CCDC91: variants seen among roughly 807,000 people sequenced by gnomAD.
CCDC91 encodes the protein coiled-coil domain-containing protein 91.
In CCDC91, 48 loss-of-function variants were observed where a neutral mutation model predicts 63.2. That is an observed-to-expected ratio of 0.76 (90% CI 0.60 to 0.97). The LOEUF is 0.97. Ranked by LOEUF, CCDC91 falls within the 50% of genes least tolerant of loss-of-function variation. CCDC91 has a pLI of 0.00. For synonymous variants in CCDC91, 167 were observed against 165.8 expected (o/e 1.01, Z -0.06); for missense variants, 500 against 494.6 (o/e 1.01, Z -0.10).
chr12:28,297,912 C>G (rs1164487565), intron 3 of CCDC91, among the ~76,000 whole-genome samples: 1 of 151,768 alleles, frequency 6.6e-6, no homozygotes, highest in Non-Finnish European at 1.5e-5. Context: ...ACCATCGTTA[C>G]TATAAAATAA....
At chr12:28,427,479 A>AC (rs983140139) in intron 8 of CCDC91, among the ~76,000 whole-genome samples, 1 of 151,640 alleles carries the variant, frequency 6.6e-6, no homozygotes, top group Non-Finnish European at 1.5e-5. Flanking sequence ...AGAGCAACTA[A>AC]CCCCCCGACC....
chr12:28,374,618 C>G (rs1412579196), intron 7 of CCDC91, among the ~76,000 whole-genome samples: 2 of 152,088 alleles, frequency 1.3e-5, no homozygotes, highest in African/African-American at 2.4e-5. Context: ...TGAACTAGCA[C>G]TTTTTAAAGC....
At chr12:28,477,252 T>C (rs143062843) in intron 11 of CCDC91, among the ~76,000 whole-genome samples, 31,751 of 151,972 alleles carry the variant, frequency 0.21, 4,345 homozygotes, top group Non-Finnish European at 0.31. Context: ...TCCAGCAGCA[T>C]ATCAAAAAGC....
intron 12 of CCDC91, among the ~76,000 whole-genome samples, chr12:28,513,375 C>G (rs574685887): frequency 6.6e-6 from 1 of 151,874 alleles, no homozygotes; most frequent in African/African-American, 2.4e-5. Context: ...GAATTGTATA[C>G]AAGTTGAGAA....
chr12:28,335,552 TG>T (rs1941910867), intron 6 of CCDC91, among the ~76,000 whole-genome samples: 2 of 150,866 alleles, frequency 1.3e-5, no homozygotes, highest in African/African-American at 4.9e-5. Flanking sequence ...GGGCTACAGG[TG>T]CATGCCACCG....
intron 7 of CCDC91, 25 bp from the exon 8 acceptor site, chr12:28,391,279 A>G (rs1284872587): frequency 4.8e-6 from 7 of 1,463,934 alleles, no homozygotes; most frequent in Non-Finnish European, 5.7e-6. Flanking sequence ...TCTGTGATCC[A>G]AATGACTTTT....
chr12:28,295,069 AC>A (rs1360313797), intron 3 of CCDC91, among the ~76,000 whole-genome samples: 2 of 152,158 alleles, frequency 1.3e-5, no homozygotes, highest in African/African-American at 4.8e-5. Flanking sequence ...TTTTATATTT[AC>A]AGCTCTTCAT....
At chr12:28,502,347 A>G (rs1938028552) in intron 12 of CCDC91, among the ~76,000 whole-genome samples, 1 of 152,164 alleles carries the variant, frequency 6.6e-6, no homozygotes, top group South Asian at 2.1e-4. Flanking sequence ...TTCAAAGAGA[A>G]TAAAGTACCT....
In CCDC91 at chr12:28,256,678, G is replaced by C. The variant is rs557100468; in HGVS notation, c.-14-524G>C. The C allele has an allele frequency of 2.6e-5, 4 of 152,862 alleles. No homozygotes were observed. In the South Asian group the frequency reaches 8.2e-4, roughly 31 times the overall value. The allele number at this position is 152,862 out of a possible 1,614,324, so 9.5% of individuals were successfully genotyped here. A position where few individuals can be genotyped will look rare whatever the true frequency, so the allele number is the denominator to read the frequency against. ...CACATTTTTCCAAAAGTGCAAAGCA[G>C]TTTCAGCTAAAAATACACATATCAA... On this transcript the variant is annotated intron_variant, in intron 1 of 12. Transcript: ENST00000536442.
intron 3 of CCDC91, among the ~76,000 whole-genome samples, chr12:28,286,421 A>G (rs1948921110): frequency 6.6e-6 from 1 of 152,056 alleles, no homozygotes. Context: ...ATGTGTTCTC[A>G]TCATTTAGCT....
chr12:28,333,571 G>A lies in CCDC91; in HGVS notation c.576+25822G>A, dbSNP rs544987068. 2.4e-4 allele frequency among the ~76,000 whole-genome samples: 37 copies of A among 151,972 alleles called. No individual in the cohort carries two copies. In the South Asian group the frequency reaches 5.4e-3, roughly 22 times the overall value. ...GAATAATATAGATTGACTCCATCTGGGAACAGATGGCTCTGTTCATGTCTC... is the reference window on the plus strand; with the variant it reads ...GAATAATATAGATTGACTCCATCTGAGAACAGATGGCTCTGTTCATGTCTC... On this transcript the variant is annotated intron_variant, in intron 6 of 12. Coordinates refer to ENST00000536442, the MANE Select transcript of CCDC91 (RefSeq NM_018318.5).
intron 6 of CCDC91, among the ~76,000 whole-genome samples, chr12:28,337,888 G>T (rs928069738): frequency 9.9e-5 from 15 of 151,690 alleles, no homozygotes; most frequent in African/African-American, 3.4e-4. Context: ...TTTATGCTAT[G>T]AGTATTGATT....
At chr12:28,442,028 G>A (rs1949252310) in intron 8 of CCDC91, among the ~76,000 whole-genome samples, 1 of 151,994 alleles carries the variant, frequency 6.6e-6, no homozygotes, top group Non-Finnish European at 1.5e-5. Flanking sequence ...TAAAAGATTG[G>A]CAGAATATTG....
intron 8 of CCDC91, among the ~76,000 whole-genome samples, chr12:28,448,039 G>A (rs967050597): frequency 6.6e-6 from 1 of 151,912 alleles, no homozygotes; most frequent in Non-Finnish European, 1.5e-5. Context: ...CTTGACATAC[G>A]GATTACATTA....
At chr12:28,523,138 T>G (rs1565518838) in intron 12 of CCDC91, among the ~76,000 whole-genome samples, 1 of 152,188 alleles carries the variant, frequency 6.6e-6, no homozygotes, top group South Asian at 2.1e-4. Flanking sequence ...TTGTTAACTT[T>G]CTATCTCCTT....
At chr12:28,476,841 C>T (rs1371602388) in intron 11 of CCDC91, among the ~76,000 whole-genome samples, 3 of 152,120 alleles carry the variant, frequency 2.0e-5, no homozygotes, top group African/African-American at 4.8e-5. Flanking sequence ...ACTATAAACA[C>T]CTCTATGCAA....
intron 8 of CCDC91, among the ~76,000 whole-genome samples, chr12:28,409,678 A>C (rs1279940191): frequency 6.6e-6 from 1 of 152,104 alleles, no homozygotes; most frequent in Admixed American, 6.5e-5. Context: ...TAGATATTTA[A>C]TGATATATAT....
At chr12:28,413,084 T>G (rs1947419888) in intron 8 of CCDC91, 1 of 182,452 alleles carries the variant, frequency 5.5e-6, no homozygotes, top group South Asian at 1.0e-4. Flanking sequence ...AAAAGTCCTT[T>G]TCCATTGTTT....
At chr12:28,438,474 CTG>C (rs1283029656) in intron 8 of CCDC91, among the ~76,000 whole-genome samples, 1 of 152,010 alleles carries the variant, frequency 6.6e-6, no homozygotes, top group Non-Finnish European at 1.5e-5. Flanking sequence ...GCTTCCAAAA[CTG>C]TGGGAATTTT....
Sources: gnomAD v4.1 joint callset for allele counts (sites outside exome capture counted in the v4.1 genomes callset) on GRCh38, gnomAD v4.1.1 for gene constraint, MANE v1.5 for transcripts, NCBI Gene and HGNC (gene_info 2026-07-23, HGNC 2026-07-21) for gene names.